ITIH5: variants seen among roughly 807,000 people sequenced by gnomAD.
ITIH5 encodes inter-alpha-trypsin inhibitor heavy chain H5.
A neutral mutation model predicts 77.5 loss-of-function variants in ITIH5; 65 were observed. The observed-to-expected ratio is 0.84, with a 90% CI of 0.69 to 1.03. ITIH5 has a LOEUF of 1.03. Among genes scored for constraint, ITIH5 ranks in the 50% least tolerant of loss-of-function variants. The probability of loss-of-function intolerance (pLI) is 0.00; values close to 1 mark genes in which losing one functional copy is unlikely to be tolerated. For missense variants in ITIH5, 1,208 were observed against 1,213.1 expected (o/e 1.00, Z 0.06); for synonymous variants, 525 against 494.3 (o/e 1.06, Z -0.82).
chr10:7,559,344 ATGT>A lies in ITIH5; in HGVS notation c.*3736_*3738del, dbSNP rs1831997126. 6.6e-6 allele frequency: 1 copy of A among 151,738 alleles called. No homozygotes were observed. The highest frequency in any genetic ancestry group is 1.5e-5 in the Non-Finnish European group (1 of 68,220). 9.4% of individuals were successfully genotyped at this position (151,738 alleles called of 1,614,324 possible). The stretch of plus-strand genomic sequence containing the variant: ...CCCTTAGAAAAATAAACAGACCAAT[ATGT>A]TGTTTGTTTTTATGCATCGTTCTCT... On this transcript the variant is annotated 3_prime_UTR_variant, in exon 14 of 14. Transcript: ENST00000397146.
At chr10:7,644,357 TCATATATATCA>T (rs1287578058) in intron 2 of ITIH5, among the ~76,000 whole-genome samples, 77 of 146,876 alleles carry the variant, frequency 5.2e-4, no homozygotes, top group African/African-American at 1.5e-3. Flanking sequence ...CACATATATA[TCATATATATCA>T]CATATATATC....
intron 13 of ITIH5, among the ~76,000 whole-genome samples, chr10:7,565,677 A>G (rs542442835): frequency 6.7e-6 from 1 of 148,992 alleles, no homozygotes; most frequent in African/African-American, 2.4e-5. Context: ...TATACAGACC[A>G]TATACACATA....
At chr10:7,635,949 A>G (rs1458164201) in intron 5 of ITIH5, among the ~76,000 whole-genome samples, 1 of 152,138 alleles carries the variant, frequency 6.6e-6, no homozygotes, top group Non-Finnish European at 1.5e-5. Flanking sequence ...CTCATCATTT[A>G]CCATTTCTCC....
intron 7 of ITIH5, among the ~76,000 whole-genome samples, chr10:7,611,913 A>ATT (rs55973419): frequency 0.14 from 19,356 of 141,426 alleles, 1,479 homozygotes; most frequent in Non-Finnish European, 0.17. Flanking sequence ...TCCACCTGCA[A>ATT]TTTTTTTTTT....
chr10:7,571,292 T>C (rs1358745567), intron 11 of ITIH5: 1 of 152,196 alleles, frequency 6.6e-6, no homozygotes, highest in Admixed American at 6.5e-5. Flanking sequence ...CCATGGGGGA[T>C]TAGTTCCAGG....
rs371553347 is a variant in ITIH5, at chr10:7,636,548, C to T, written c.652+680G>A. ...GCCACATGCTGAATTGTTTTATAAT[C>T]GTAATTTACTAATCTCTTCCATATA... On this transcript the variant is annotated intron_variant, in intron 5 of 13. Coordinates refer to ENST00000397146, the MANE Select transcript of ITIH5 (RefSeq NM_030569.7). Among the ~76,000 whole-genome samples, 58 of 152,198 alleles carry T rather than the reference C, an allele frequency of 3.8e-4. No homozygotes were observed. The South Asian group carries it at 0.011, about 30-fold the overall frequency.
At chr10:7,607,281 G>C (rs541501721) in intron 7 of ITIH5, among the ~76,000 whole-genome samples, 2 of 152,160 alleles carry the variant, frequency 1.3e-5, no homozygotes, top group African/African-American at 4.8e-5. Context: ...TTTGCATATG[G>C]CCTGTGGCTG....
At chr10:7,572,309 C>T in intron 11 of ITIH5, 1 of 1,366,844 alleles carries the variant, frequency 7.3e-7, no homozygotes, top group Non-Finnish European at 9.8e-7. Flanking sequence ...TTGTTCTTTC[C>T]TCTGAATTTT....
chr10:7,606,893 A>AT (rs937924638), intron 7 of ITIH5, among the ~76,000 whole-genome samples: 1 of 151,990 alleles, frequency 6.6e-6, no homozygotes, highest in Non-Finnish European at 1.5e-5. Flanking sequence ...TTGGAGAGCA[A>AT]TTTTTTTTCT....
At chr10:7,579,657 G>A (rs1832498680) in intron 9 of ITIH5, 98 bp downstream of exon 9, 18 of 1,234,780 alleles carry the variant, frequency 1.5e-5, no homozygotes, top group Middle Eastern at 1.9e-4. Context: ...GCAGATGCAA[G>A]GCTGGGGTGC....
chr10:7,632,492 A>G lies in ITIH5; in HGVS notation c.652+4736T>C, dbSNP rs569876814. On this transcript the variant is annotated intron_variant, in intron 5 of 13. Transcript: ENST00000397146. ...AACTTTTTTAAAAAGCAAGGAATAG[A>G]AGGGATAAACTATGAAAATCATACA... Among the ~76,000 whole-genome samples the G allele has an allele frequency of 3.3e-5, 5 of 152,244 alleles. No homozygotes were observed. In the East Asian group the frequency reaches 9.6e-4, roughly 29 times the overall value.
chr10:7,588,974 G>A lies in ITIH5; in HGVS notation c.940-2905C>T, dbSNP rs572040171. The stretch of plus-strand genomic sequence containing the variant: ...CTTCAGGGACAGCACGTGCACCAAC[G>A]GCAGCAGAATCTGCAGCCCCAGGAC... On this transcript the variant is annotated intron_variant, in intron 7 of 13. Transcript: ENST00000397146. Among the ~76,000 whole-genome samples, 8 of 152,346 alleles carry A rather than the reference G, an allele frequency of 5.3e-5. No individual in the cohort carries two copies. In the East Asian group the frequency reaches 1.2e-3, roughly 22 times the overall value.
intron 7 of ITIH5, among the ~76,000 whole-genome samples, chr10:7,612,614 T>C (rs1235366578): frequency 1.3e-5 from 2 of 151,846 alleles, no homozygotes; most frequent in Non-Finnish European, 2.9e-5. Flanking sequence ...GCAAGTTATG[T>C]TTGTTCAGAG....
intron 5 of ITIH5, among the ~76,000 whole-genome samples, chr10:7,623,220 A>T (rs1490343952): frequency 6.6e-6 from 1 of 152,184 alleles, no homozygotes; most frequent in Non-Finnish European, 1.5e-5. Flanking sequence ...CTGCTGTCGG[A>T]GAAAAGCAGC....
intron 1 of ITIH5, among the ~76,000 whole-genome samples, chr10:7,660,489 T>C (rs535164769): frequency 7.2e-5 from 11 of 152,304 alleles, no homozygotes; most frequent in African/African-American, 2.6e-4. Context: ...AAGGCTTCCT[T>C]AGGACGAGCA....
At chr10:7,614,962 A>C (rs1833334504) in intron 7 of ITIH5, among the ~76,000 whole-genome samples, 1 of 152,170 alleles carries the variant, frequency 6.6e-6, no homozygotes, top group Non-Finnish European at 1.5e-5. Flanking sequence ...AAAAAAATGA[A>C]AAAGGCCGGG....
intron 5 of ITIH5, among the ~76,000 whole-genome samples, chr10:7,626,493 T>C (rs1418364429): frequency 1.3e-5 from 2 of 152,208 alleles, no homozygotes; most frequent in East Asian, 3.8e-4. Context: ...CCAGATTGTT[T>C]CCTGGCAAAG....
intron 5 of ITIH5, among the ~76,000 whole-genome samples, chr10:7,628,955 G>GTGTATCCATGTTGTAGCA (rs1201899768): frequency 6.2e-5 from 8 of 129,054 alleles, no homozygotes; most frequent in African/African-American, 1.4e-4. Flanking sequence ...ATGTTGTAGC[G>GTGTATCCATGTTGTAGCA]TGTGTCCGTG....
intron 9 of ITIH5, among the ~76,000 whole-genome samples, 162 bp downstream of exon 9, chr10:7,579,593 A>G (rs928413165): frequency 6.6e-6 from 1 of 151,978 alleles, no homozygotes; most frequent in African/African-American, 2.4e-5. Flanking sequence ...TGATCTGCCT[A>G]GTTTCAAAAC....
Sources: allele counts gnomAD v4.1 joint callset (sites outside exome capture counted in the v4.1 genomes callset), GRCh38; gene constraint gnomAD v4.1.1; transcripts MANE v1.5; gene names NCBI Gene and HGNC (gene_info 2026-07-23, HGNC 2026-07-21).